Variants in NYAP1 observed in about 807,000 individuals in gnomAD.
NYAP1 encodes neuronal tyrosine-phosphorylated phosphoinositide-3-kinase adapter 1.
In NYAP1, 20 loss-of-function variants were observed where a neutral mutation model predicts 58.6. The ratio of observed to expected loss-of-function variants is 0.34; its 90% CI spans 0.24 to 0.50. The LOEUF (loss-of-function observed/expected upper bound fraction) is 0.50, where lower values mean the gene tolerates loss of function less well. NYAP1 is among the 20% of genes least tolerant of loss of function. The pLI, the probability that NYAP1 is intolerant of heterozygous loss-of-function variation, is 0.98. For missense variants in NYAP1, 1,150 were observed against 1,194.5 expected, an observed-to-expected ratio of 0.96 and a Z score of 0.55; for synonymous variants, 572 against 523.1, an observed-to-expected ratio of 1.09 and a Z score of -1.27.
intron 6 of NYAP1, 45 bp from the exon 7 acceptor site, chr7:100,493,601 C>T: frequency 6.6e-7 from 1 of 1,511,542 alleles, no homozygotes; most frequent in Non-Finnish European, 8.8e-7. Flanking sequence ...TGCTGAGGTC[C>T]CCGACCTTAC....
At position 100,493,935 on chromosome 7, in the gene NYAP1, TGGGGA is replaced by T. The variant is rs565863338; in HGVS notation, c.*37_*41del. 7.1e-7 allele frequency: 1 copy of T among 1,404,480 alleles called. No individual in the cohort carries two copies. The allele number at this position is 1,404,480 out of a possible 1,614,324, so 87.0% of individuals were successfully genotyped here. A position where few individuals can be genotyped will look rare whatever the true frequency, so the allele number is the denominator to read the frequency against. On this transcript the variant is annotated 3_prime_UTR_variant, in exon 7 of 7. Coordinates refer to ENST00000300179, the MANE Select transcript of NYAP1 (RefSeq NM_173564.4). ...CGGGGGGGTACCGGGGCGCCTGGAC[TGGGGA>T]GGGGGCGGGCACGCCTGGCTCTCCC...
Position 100,493,855 on chromosome 7 carries a change from C to T in NYAP1, c.2478C>T (p.Thr826=), listed in dbSNP as rs576364914. ...RRGPEPRKSG[T]PPCRRQHTVL... is the part of the protein sequence containing the mutation. ...GACCCGAGCCCCGCAAGTCCGGCAC[C>T]CCGCCCTGCCGCCGGCAGCACACGG... is the stretch of plus-strand genomic sequence containing the variant. Residue 826 remains threonine, a synonymous_variant, in exon 7 of 7, where the codon ACC becomes ACT. Transcript: ENST00000300179. The T allele has an allele frequency of 6.5e-7, 1 of 1,539,714 alleles. No homozygotes were observed. The highest frequency in any genetic ancestry group is 2.5e-5 in the East Asian group (1 of 40,236).
chr7:100,494,245 G>T lies in NYAP1; in HGVS notation c.*342G>T, dbSNP rs1799840332. The T allele has an allele frequency of 3.8e-6, 1 of 260,280 alleles. No individual in the cohort carries two copies. The highest frequency in any genetic ancestry group is 7.3e-6 in the Non-Finnish European group (1 of 137,646). The allele number at this position is 260,280 out of a possible 1,614,324, so 16.1% of individuals were successfully genotyped here. A position where few individuals can be genotyped will look rare whatever the true frequency, so the allele number is the denominator to read the frequency against. On this transcript the variant is annotated 3_prime_UTR_variant, in exon 7 of 7. Transcript: ENST00000300179. ...GAGGAAGGAAGGGATGGGAGGAAGAGGGGGGTGGGTGAGCTGAAAGAGAGG... is the reference window on the plus strand; with the variant it reads ...GAGGAAGGAAGGGATGGGAGGAAGATGGGGGTGGGTGAGCTGAAAGAGAGG...
rs1291253460 is a variant in NYAP1 at position 100,488,623 on chromosome 7, G to T, written c.902G>T (p.Arg301Leu). The stretch of plus-strand genomic sequence containing the variant: ...CACGCCCTTCCGCCCCATGCCCACC[G>T]CCGCCCAGCTTCAGCCCTCCCGAGC... The part of the protein sequence containing the change: ...QPHALPPHAH[R>L]RPASALPSRR... Residue 301 changes from arginine to leucine, a missense_variant, in exon 4 of 7, where the codon CGC (arginine) becomes CTC (leucine). Coordinates refer to ENST00000300179, the MANE Select transcript of NYAP1 (RefSeq NM_173564.4). The surrounding 1 kb of genome is among the most constrained non-coding windows in gnomAD (Gnocchi z 5.9). 1 of 1,609,112 alleles carries T rather than the reference G, an allele frequency of 6.2e-7. No homozygotes were observed. Among genetic ancestry groups the T allele is most frequent in the South Asian group, 1.1e-5 (1 of 90,826 alleles).
chr7:100,492,533 G>A (rs1003284262), intron 6 of NYAP1, among the ~76,000 whole-genome samples: 1 of 152,178 alleles, frequency 6.6e-6, no homozygotes, highest in African/African-American at 2.4e-5. Context: ...GGAGGCTGAG[G>A]TTGCAATGAA....
intron 6 of NYAP1, 147 bp from the exon 7 acceptor site, chr7:100,493,498 GC>G: frequency 1.3e-6 from 1 of 750,312 alleles, no homozygotes. Context: ...GGGCCCCACA[GC>G]CAGAGGGAGC....
rs373876345 is a variant in NYAP1 at position 100,489,206 on chromosome 7, C to T, written c.1485C>T (p.Leu495=). ...EPKTEKEISV[L]HGMLCTSSRP... ...AGACGGAGAAGGAGATCTCGGTCCT[C>T]CATGGGATGCTGTGTACCAGCTCAA... Residue 495 remains leucine, a synonymous_variant, in exon 4 of 7, where the codon CTC becomes CTT. Coordinates refer to ENST00000300179, the MANE Select transcript of NYAP1 (RefSeq NM_173564.4). 3.7e-5 allele frequency: 60 copies of T among 1,610,062 alleles called. No homozygotes were observed. Among genetic ancestry groups the T allele is most frequent in the Non-Finnish European group, 4.7e-5 (55 of 1,178,830 alleles).
At position 100,489,497 on chromosome 7, in the gene NYAP1, G is replaced by C; in HGVS notation, c.1776G>C (p.Glu592Asp). The change falls in exon 4 of 7, where the codon GAG becomes GAC. Residue 592 changes from glutamate (E) to aspartate (D), a missense_variant. Physicochemically the swap from Glu to Asp is conservative, Grantham distance 45 (BLOSUM62 2). Transcript: ENST00000300179. ...CCATGGTCAAGATCCAGCTGCAGGA[G>C]CAAGGGACCGATGGGGGTGCTTTTG... ...PSPMVKIQLQ[E>D]QGTDGGAFAS... is the part of the protein sequence containing the mutation. 1 of 1,613,432 alleles carries C rather than the reference G, an allele frequency of 6.2e-7. No homozygotes were observed. The highest frequency in any genetic ancestry group is 8.5e-7 in the Non-Finnish European group (1 of 1,179,986).
At chr7:100,492,238 CAAA>C (rs780264131) in intron 6 of NYAP1, among the ~76,000 whole-genome samples, 3 of 115,686 alleles carry the variant, frequency 2.6e-5, no homozygotes, top group Non-Finnish European at 3.7e-5. Flanking sequence ...GACTCTGTCT[CAAA>C]AAAAAAAAAA....
At position 100,493,645 on chromosome 7, in the gene NYAP1, GC is replaced by G; in HGVS notation, c.2272del (p.His758ThrfsTer25). 1 of 1,574,346 alleles carries G rather than the reference GC, an allele frequency of 6.4e-7. No homozygotes were observed. The highest frequency in any genetic ancestry group is 8.6e-7 in the Non-Finnish European group (1 of 1,166,832). On this transcript the variant is annotated frameshift_variant and splice_region_variant, in exon 7 of 7. Transcript: ENST00000300179. LOFTEE classifies it high-confidence loss of function. ...CSQPRDALSQPHPALPLPLPL... is the reference protein window; with the variant it reads ...CSQPRDALSQXHPALPLPLPL... ...TCCTTTCTCCCCCGCCCGCGGCACAGCCCCACCCCGCGCTGCCGCTGCCTCT... is the reference window on the plus strand; with the variant it reads ...TCCTTTCTCCCCCGCCCGCGGCACAGCCCACCCCGCGCTGCCGCTGCCTCT...
rs185116439 is a variant in NYAP1, at chr7:100,490,125, C to A, written c.1946-392C>A. Among the ~76,000 whole-genome samples, 4 of 152,248 alleles carry A rather than the reference C, an allele frequency of 2.6e-5. No individual in the cohort carries two copies. Among genetic ancestry groups the A allele is most frequent in the Admixed American group, 2.6e-4 (4 of 15,302 alleles). On this transcript the variant is annotated intron_variant, in intron 4 of 6. Coordinates refer to ENST00000300179, the MANE Select transcript of NYAP1 (RefSeq NM_173564.4). The surrounding 1 kb of genome is among the most constrained non-coding windows in gnomAD (Gnocchi z 4.6). ...CTTAGTTCACAGGCAGCCCTTCCCCCCAGCGCTCCCCCTTCTGGGCTCAGG... is the reference window on the plus strand; with the variant it reads ...CTTAGTTCACAGGCAGCCCTTCCCCACAGCGCTCCCCCTTCTGGGCTCAGG...
Position 100,493,682 on chromosome 7 carries a change from C to G in NYAP1, c.2305C>G (p.Pro769Ala). Residue 769 changes from proline (P) to alanine (A), a missense_variant, in exon 7 of 7, where the codon CCC becomes GCC. Physicochemically the swap from Pro to Ala is conservative, Grantham distance 27 (BLOSUM62 -1). Transcript: ENST00000300179. ...PALPLPLPLP[P>A]QPARERDGKL... ...GCTGCCGCTGCCTCTGCCCCTGCCGCCCCAGCCGGCCCGCGAGCGTGACGG... is the reference window on the plus strand; with the variant it reads ...GCTGCCGCTGCCTCTGCCCCTGCCGGCCCAGCCGGCCCGCGAGCGTGACGG... 1.3e-6 allele frequency: 2 copies of G among 1,589,192 alleles called. No individual in the cohort carries two copies. Among genetic ancestry groups the G allele is most frequent in the Non-Finnish European group, 1.7e-6 (2 of 1,172,476 alleles).
intron 1 of NYAP1, among the ~76,000 whole-genome samples, chr7:100,484,447 G>A (rs1034006042): frequency 2.0e-5 from 3 of 152,136 alleles, no homozygotes; most frequent in African/African-American, 7.2e-5. Context: ...GAGGGAGGCA[G>A]AGACTAAACC....
chr7:100,487,494 C>T lies in NYAP1; in HGVS notation c.430+312C>T, dbSNP rs576212950. ...TGGGACAAGCCCCGTGGCTCACGCC[C>T]GTAATCTCAGCACTTTTTTTTTTTT... is the stretch of plus-strand genomic sequence containing the variant. On this transcript the variant is annotated intron_variant, in intron 3 of 6. Transcript: ENST00000300179. This position sits in a 1 kb window ranked among gnomAD's most constrained non-coding sequence, Gnocchi z 4.1. Among the ~76,000 whole-genome samples, 26 of 151,738 alleles carry T rather than the reference C, an allele frequency of 1.7e-4. No homozygotes were observed. Among genetic ancestry groups the T allele is most frequent in the African/African-American group, 3.6e-4 (15 of 41,300 alleles).
chr7:100,488,404 G>A lies in NYAP1; in HGVS notation c.683G>A (p.Gly228Glu). ...EMVGDVFRGG[G>E]RSGGGLAGPP... ...GTGGGGGACGTCTTTAGGGGAGGAG[G>A]ACGAAGTGGAGGAGGCCTGGCTGGG... The change falls in exon 4 of 7, where the codon GGA becomes GAA. Residue 228 changes from glycine to glutamate, a missense_variant. Gly to Glu is a moderately conservative substitution (Grantham distance 98). Transcript: ENST00000300179. The surrounding 1 kb of genome is among the most constrained non-coding windows in gnomAD (Gnocchi z 5.9). The A allele has an allele frequency of 1.3e-6, 2 of 1,597,408 alleles. No individual in the cohort carries two copies. Among genetic ancestry groups the A allele is most frequent in the South Asian group, 1.1e-5 (1 of 89,468 alleles).
In NYAP1 at chr7:100,488,921, G is replaced by A. The variant is rs754476304; in HGVS notation, c.1200G>A (p.Ser400=). ...CCAACCTGCTGCTGCTGGGACCATC[G>A]GGCCGGGCCCGGAGCCACTCGACAC... ...PAANLLLLGP[S]GRARSHSTPL... is the part of the protein sequence containing the mutation. Residue 400 remains serine (S), a synonymous_variant, in exon 4 of 7, where the codon TCG becomes TCA. Coordinates refer to ENST00000300179, the MANE Select transcript of NYAP1 (RefSeq NM_173564.4). This position sits in a 1 kb window ranked among gnomAD's most constrained non-coding sequence, Gnocchi z 5.9. 4.4e-6 allele frequency: 7 copies of A among 1,583,366 alleles called. No individual in the cohort carries two copies. The highest frequency in any genetic ancestry group is 6.0e-6 in the Non-Finnish European group (7 of 1,170,192).
rs958250548 is a variant in NYAP1 at position 100,486,076 on chromosome 7, T to G, written c.68+697T>G. Among the ~76,000 whole-genome samples, 1 of 152,160 alleles carries G rather than the reference T, an allele frequency of 6.6e-6. No individual in the cohort carries two copies. Among genetic ancestry groups the G allele is most frequent in the African/African-American group, 2.4e-5 (1 of 41,420 alleles). On this transcript the variant is annotated intron_variant, in intron 2 of 6. Coordinates refer to ENST00000300179, the MANE Select transcript of NYAP1 (RefSeq NM_173564.4). The surrounding 1 kb of genome is among the most constrained non-coding windows in gnomAD (Gnocchi z 6.2). ...CAACTGTGGAGTTTAATTCTTGTTG[T>G]TAATTAGATTAATCAGAGTGATCGC...
Position 100,488,185 on chromosome 7 carries a change from C to A in NYAP1, c.464C>A (p.Ser155Tyr). The change falls in exon 4 of 7, where the codon TCC (serine) becomes TAC (tyrosine). Residue 155 changes from serine (S) to tyrosine (Y), a missense_variant. By Grantham distance (144) the Ser-to-Tyr change is moderately radical. Transcript: ENST00000300179. This position sits in a 1 kb window ranked among gnomAD's most constrained non-coding sequence, Gnocchi z 5.9. Reference protein sequence around the residue: ...SQKPTPEGRESSRKVPPQKPR... With the variant: ...SQKPTPEGREYSRKVPPQKPR... ...AAGCCAACCCCAGAGGGCCGAGAGT[C>A]CAGCCGGAAGGTTCCTCCGCAGAAG... The A allele has an allele frequency of 6.2e-7, 1 of 1,606,150 alleles. No individual in the cohort carries two copies. Among genetic ancestry groups the A allele is most frequent in the Admixed American group, 1.7e-5 (1 of 57,486 alleles).
Position 100,489,404 on chromosome 7 carries a change from C to T in NYAP1, c.1683C>T (p.Pro561=). Residue 561 remains proline, a synonymous_variant, in exon 4 of 7, where the codon CCC becomes CCT. Coordinates refer to ENST00000300179, the MANE Select transcript of NYAP1 (RefSeq NM_173564.4). ...YPATAAGLKR[P]PAYESLKAGG... ...CCACAGCAGCTGGGCTCAAGAGACCCCCTGCCTATGAGAGCCTCAAGGCTG... is the reference window on the plus strand; with the variant it reads ...CCACAGCAGCTGGGCTCAAGAGACCTCCTGCCTATGAGAGCCTCAAGGCTG... 6.2e-7 allele frequency: 1 copy of T among 1,613,016 alleles called. No individual in the cohort carries two copies. The highest frequency in any genetic ancestry group is 8.5e-7 in the Non-Finnish European group (1 of 1,179,944).
Sources: gnomAD v4.1 joint callset for allele counts (sites outside exome capture counted in the v4.1 genomes callset) on GRCh38, gnomAD v4.1.1 for gene constraint, Gnocchi (gnomAD v3.1) non-coding constraint, MANE v1.5 for transcripts, NCBI Gene and HGNC (gene_info 2026-07-23, HGNC 2026-07-21) for gene names.